ATP2B2: variants seen among roughly 807,000 people sequenced by gnomAD.
ATP2B2 encodes plasma membrane calcium-transporting ATPase 2.
Under a neutral mutation model 120.0 loss-of-function variants are expected in ATP2B2, and 15 were observed. The observed-to-expected ratio is 0.12, with a 90% confidence interval of 0.08 to 0.19. The LOEUF is 0.19. Ranked by LOEUF, ATP2B2 falls within the 10% of genes least tolerant of loss-of-function variation. The probability of loss-of-function intolerance (pLI) is 1.00; values close to 1 mark genes in which losing one functional copy is unlikely to be tolerated. For synonymous variants in ATP2B2, 694 were observed against 700.3 expected, an observed-to-expected ratio of 0.99 and a Z score of 0.14; for missense variants, 1,045 against 1,719.8, an observed-to-expected ratio of 0.61 and a Z score of 6.94.
At position 10,327,191 on chromosome 3, in the gene ATP2B2, T is replaced by C. The variant is rs985400716; in HGVS notation, c.*1623A>G. 2.0e-5 allele frequency: 4 copies of C among 198,206 alleles called. No homozygotes were observed. Among genetic ancestry groups the C allele is most frequent in the Non-Finnish European group, 4.0e-5 (4 of 98,790 alleles). The allele number at this position is 198,206 out of a possible 1,614,324, so 12.3% of individuals were successfully genotyped here. A position where few individuals can be genotyped will look rare whatever the true frequency, so the allele number is the denominator to read the frequency against. On this transcript the variant is annotated 3_prime_UTR_variant, in exon 23 of 23. Transcript: ENST00000360273. ...GCTGACATCCAATTAAATAAGCTCTTATTAAGTGGGATTACTAGTGCTGTT... is the reference window on the plus strand; with the variant it reads ...GCTGACATCCAATTAAATAAGCTCTCATTAAGTGGGATTACTAGTGCTGTT...
At chr3:10,444,171 C>G (rs1396093866) in intron 2 of ATP2B2, among the ~76,000 whole-genome samples, 1 of 152,246 alleles carries the variant, frequency 6.6e-6, no homozygotes, top group Admixed American at 6.5e-5. Context: ...CCACTCATCT[C>G]TGGCCAGGCA....
Position 10,633,523 on chromosome 3 carries a change from T to C in ATP2B2, c.-459-13562A>G, listed in dbSNP as rs569896816. 1.7e-4 allele frequency among the ~76,000 whole-genome samples: 26 copies of C among 152,328 alleles called. No homozygotes were observed. The South Asian group carries it at 5.4e-3, about 32-fold the overall frequency. ...GGGCATCTATTAGTCACTAACACTT[T>C]AGTATGAATTTCTTCACATCAAATG... On this transcript the variant is annotated intron_variant, in intron 1 of 21. Coordinates refer to the ATP2B2 transcript ENST00000646379.
intron 2 of ATP2B2, among the ~76,000 whole-genome samples, chr3:10,535,808 T>C (rs1026564047): frequency 6.6e-6 from 1 of 152,250 alleles, no homozygotes; most frequent in Non-Finnish European, 1.5e-5. Context: ...TGTGGGGTAT[T>C]ATAAACATTT....
chr3:10,386,157 G>A (rs1406551953), intron 7 of ATP2B2, among the ~76,000 whole-genome samples: 2 of 152,230 alleles, frequency 1.3e-5, no homozygotes, highest in Non-Finnish European at 2.9e-5. Context: ...GGAGAGCAGG[G>A]CCTGAGGGGA....
chr3:10,681,276 C>A (rs1250949847), intron 1 of ATP2B2, among the ~76,000 whole-genome samples: 1 of 152,220 alleles, frequency 6.6e-6, no homozygotes, highest in Non-Finnish European at 1.5e-5. Context: ...GTGGCCACGT[C>A]CCCCAGCAGC....
At chr3:10,460,927 G>A (rs377401021) in intron 1 of ATP2B2, among the ~76,000 whole-genome samples, 1 of 152,188 alleles carries the variant, frequency 6.6e-6, no homozygotes, top group African/African-American at 2.4e-5. Context: ...CACCCACAGA[G>A]GTGCCAGGGG....
chr3:10,692,509 C>T lies in ATP2B2; in HGVS notation c.-460+15406G>A, dbSNP rs1398003550. ...TGGATGCGCACGTTCTGGGGGGATC[C>T]CTGGGTCTGAAATGATTCTCTTGGT... On this transcript the variant is annotated intron_variant, in intron 1 of 21. Coordinates refer to the ATP2B2 transcript ENST00000646379. 2.0e-5 allele frequency among the ~76,000 whole-genome samples: 3 copies of T among 152,094 alleles called. No individual in the cohort carries two copies. The East Asian group carries it at 5.8e-4, about 29-fold the overall frequency.
At chr3:10,541,886 T>C (rs779927460) in intron 2 of ATP2B2, among the ~76,000 whole-genome samples, 9 of 152,210 alleles carry the variant, frequency 5.9e-5, no homozygotes, top group Non-Finnish European at 1.0e-4. Flanking sequence ...ATTGTAATTG[T>C]GGTCACTCCT....
At chr3:10,577,245 G>A (rs2068275096) in intron 2 of ATP2B2, among the ~76,000 whole-genome samples, 1 of 152,112 alleles carries the variant, frequency 6.6e-6, no homozygotes, top group Non-Finnish European at 1.5e-5. Context: ...AGGCTGGGAG[G>A]CCAACAGGTG....
chr3:10,524,989 T>A (rs1400845765), intron 3 of ATP2B2, among the ~76,000 whole-genome samples: 2 of 152,228 alleles, frequency 1.3e-5, no homozygotes, highest in African/African-American at 4.8e-5. Context: ...CAGAGATACC[T>A]GCATCGAGAC....
rs988379934 is a variant in ATP2B2 at position 10,347,070 on chromosome 3, G to A, written c.2405-933C>T. 2.0e-5 allele frequency among the ~76,000 whole-genome samples: 3 copies of A among 152,010 alleles called. No homozygotes were observed. Among genetic ancestry groups the A allele is most frequent in the African/African-American group, 7.3e-5 (3 of 41,370 alleles). Reference sequence around the variant, plus strand: ...CCAGTTCCGTCCCCCAGCCATCCCCGGAATGTCGTTTTCCTGCTTCCCCCC... The same window carrying A: ...CCAGTTCCGTCCCCCAGCCATCCCCAGAATGTCGTTTTCCTGCTTCCCCCC... On this transcript the variant is annotated intron_variant, in intron 16 of 22. Transcript: ENST00000360273. The surrounding 1 kb of genome is among the most constrained non-coding windows in gnomAD (Gnocchi z 5.2).
At chr3:10,395,218 A>C (rs943174827) in intron 5 of ATP2B2, among the ~76,000 whole-genome samples, 17 of 152,186 alleles carry the variant, frequency 1.1e-4, no homozygotes, top group African/African-American at 3.9e-4. Context: ...TTTAAAAAAC[A>C]CTGGCTTTCC....
chr3:10,515,243 T>C (rs1025306198), intron 3 of ATP2B2, among the ~76,000 whole-genome samples: 3 of 152,176 alleles, frequency 2.0e-5, no homozygotes, highest in African/African-American at 4.8e-5. Flanking sequence ...CCTGCAATTA[T>C]GGGAGTGTTG....
Position 10,606,906 on chromosome 3 carries a change from CACACACAGAGAGAG to C in ATP2B2, c.-415+12997_-415+13010del, listed in dbSNP as rs1342567593. Reference sequence around the variant, plus strand: ...ACACACACACACACACACACACACACACACACAGAGAGAGAGAGAGAGAGAGAGAGAGGGAGAGG... The same window carrying C: ...ACACACACACACACACACACACACACAGAGAGAGAGAGAGAGAGGGAGAGG... On this transcript the variant is annotated intron_variant, in intron 2 of 21. Transcript: ENST00000646379. Among the ~76,000 whole-genome samples the C allele has an allele frequency of 1.7e-4, 5 of 29,170 alleles. No homozygotes were observed. The Admixed American group carries it at 1.8e-3, about 11-fold the overall frequency. The allele number at this position is 29,170 out of a possible 152,430, so 19.1% of individuals were successfully genotyped here.
chr3:10,527,757 T>G (rs1466836393), intron 3 of ATP2B2, among the ~76,000 whole-genome samples: 1 of 152,202 alleles, frequency 6.6e-6, no homozygotes, highest in Non-Finnish European at 1.5e-5. Context: ...TGGCCAGAGA[T>G]GGCGGTGAAT....
chr3:10,391,925 G>A (rs2061864536), intron 5 of ATP2B2, among the ~76,000 whole-genome samples: 1 of 152,124 alleles, frequency 6.6e-6, no homozygotes, highest in Non-Finnish European at 1.5e-5. Context: ...CTGGGCCTTG[G>A]TGTCTACCTC....
intron 1 of ATP2B2, among the ~76,000 whole-genome samples, chr3:10,490,566 A>G (rs778631031): frequency 3.3e-5 from 5 of 151,936 alleles, no homozygotes; most frequent in Non-Finnish European, 7.4e-5. Flanking sequence ...ATGCCTGGCT[A>G]ATTTTTGTGT....
chr3:10,552,398 C>G (rs1240082623), intron 2 of ATP2B2, among the ~76,000 whole-genome samples: 1 of 152,274 alleles, frequency 6.6e-6, no homozygotes, highest in Non-Finnish European at 1.5e-5. Context: ...AGCGTCCTGC[C>G]TTCCGCCCAA....
intron 1 of ATP2B2, among the ~76,000 whole-genome samples, chr3:10,701,772 T>C (rs1308329834): frequency 6.6e-6 from 1 of 152,154 alleles, no homozygotes; most frequent in African/African-American, 2.4e-5. Context: ...TACAGACTGT[T>C]ATGTATGATG....
Sources: allele counts gnomAD v4.1 joint callset (sites outside exome capture counted in the v4.1 genomes callset), GRCh38; gene constraint gnomAD v4.1.1; non-coding constraint Gnocchi (gnomAD v3.1); transcripts MANE v1.5; gene names NCBI Gene and HGNC (gene_info 2026-07-23, HGNC 2026-07-21).